The following ZNF469 variants were observed in gnomAD, a reference collection of about 807,000 sequenced individuals.
ZNF469 encodes the protein zinc finger protein 469.
Under a neutral mutation model 1.0 loss-of-function variants are expected in ZNF469, and 1 was observed. The ratio of observed to expected loss-of-function variants is 1.00; its 90% confidence interval spans 0.35 to 4.73. The LOEUF (loss-of-function observed/expected upper bound fraction) is 4.73. Ranked by LOEUF, ZNF469 falls within the 30% of genes most tolerant of loss-of-function variation. ZNF469 has a pLI of 0.16. For synonymous variants in ZNF469, 2,703 were observed against 2,363.4 expected (o/e 1.14, Z -4.17); for missense variants, 6,100 against 5,356.3 (o/e 1.14, Z -4.33).
chr16:88,335,136 C>CGGGGCTGTGA, the ZNF469 span, among the ~76,000 whole-genome samples: 3 of 152,278 alleles, frequency 2.0e-5, no homozygotes, highest in African/African-American at 7.2e-5. Flanking sequence ...TCGCAGTCTC[C>CGGGGCTGTGA]GGGGCTGTGA....
chr16:88,150,285 G>T, the ZNF469 span, among the ~76,000 whole-genome samples: 1 of 152,202 alleles, frequency 6.6e-6, no homozygotes, highest in Non-Finnish European at 1.5e-5. Context: ...ACTCCAGCCT[G>T]GGTGACAGGG....
chr16:88,199,953 G>T, the ZNF469 span, among the ~76,000 whole-genome samples: 4 of 152,202 alleles, frequency 2.6e-5, no homozygotes, highest in African/African-American at 9.6e-5. Context: ...AGGCAGGGCC[G>T]AGGACCCCGC....
At chr16:88,211,780 C>A in the ZNF469 span, among the ~76,000 whole-genome samples, 12 of 152,136 alleles carry the variant, frequency 7.9e-5, no homozygotes, top group African/African-American at 2.9e-4. Flanking sequence ...TTGTTCAAGC[C>A]GGTATGCTTG....
the ZNF469 span, among the ~76,000 whole-genome samples, chr16:88,250,452 T>C: frequency 6.6e-6 from 1 of 152,260 alleles, no homozygotes; most frequent in Admixed American, 6.5e-5. Flanking sequence ...TTATCCATTC[T>C]GTTGTCGACG....
At chr16:88,407,614 A>G (rs941520749) in intron 1 of ZNF469, among the ~76,000 whole-genome samples, 6 of 152,224 alleles carry the variant, frequency 3.9e-5, no homozygotes, top group Non-Finnish European at 8.8e-5. Flanking sequence ...AGGCATGGGC[A>G]TAGGAGAGTC....
At chr16:88,160,060 CT>C in the ZNF469 span, among the ~76,000 whole-genome samples, 1 of 152,236 alleles carries the variant, frequency 6.6e-6, no homozygotes, top group Non-Finnish European at 1.5e-5. Context: ...GTTCTGCTGG[CT>C]TTTCTCCTAT....
Position 88,434,991 on chromosome 16 carries a change from A to G in ZNF469, c.7521A>G (p.Pro2507=), listed in dbSNP as rs1329658372. Residue 2507 remains proline, a synonymous_variant, in exon 3 of 3, where the codon CCA becomes CCG. Coordinates refer to ENST00000565624, the MANE Select transcript of ZNF469 (RefSeq NM_001367624.2). ...CGGGAGCCCCCGCGGAGCCGAGCCC[A>G]GCGGCCTTGCCTGCTCAGCAGCCTC... ...PHPGAPAEPS[P]AALPAQQPLE... is the part of the protein sequence containing the mutation. 1 of 1,550,266 alleles carries G rather than the reference A, an allele frequency of 6.5e-7. No homozygotes were observed. Among genetic ancestry groups the G allele is most frequent in the South Asian group, 1.2e-5 (1 of 84,066 alleles).
At chr16:88,152,978 C>A in the ZNF469 span, among the ~76,000 whole-genome samples, 2 of 152,232 alleles carry the variant, frequency 1.3e-5, no homozygotes, top group African/African-American at 4.8e-5. This position sits in a 1 kb window ranked among gnomAD's most constrained non-coding sequence, Gnocchi z 4.2. Flanking sequence ...GCGGGGCATG[C>A]CCCCAGCACC....
the ZNF469 span, among the ~76,000 whole-genome samples, chr16:88,143,559 C>A: frequency 6.6e-6 from 1 of 152,014 alleles, no homozygotes. Context: ...GGCCCATGGC[C>A]ATGCGTCTCC....
the ZNF469 span, among the ~76,000 whole-genome samples, chr16:88,308,744 C>T: frequency 1.3e-5 from 2 of 152,128 alleles, no homozygotes; most frequent in Admixed American, 1.3e-4. Flanking sequence ...TCTCAGGAGA[C>T]CCCCAGAAAG....
At chr16:88,420,955 A>AT (rs954159594) in intron 1 of ZNF469, among the ~76,000 whole-genome samples, 2 of 151,590 alleles carry the variant, frequency 1.3e-5, no homozygotes, top group Non-Finnish European at 1.5e-5. Flanking sequence ...AGGAAGGGAA[A>AT]CGGGAGGGGC....
At chr16:88,198,382 T>G in the ZNF469 span, among the ~76,000 whole-genome samples, 1 of 152,112 alleles carries the variant, frequency 6.6e-6, no homozygotes, top group Non-Finnish European at 1.5e-5. Context: ...TAAAGCCTCC[T>G]CCGGTGGGGG....
At position 88,425,817 on chromosome 16, in the gene ZNF469, GGGGCAGAGGAGGAAGGGGCACCC is replaced by G. The variant is rs368749973; in HGVS notation, c.-127+951_-127+973del. ...TGGGACAGGAGGTACCTCAGTGGTG[GGGGCAGAGGAGGAAGGGGCACCC>G]GGGCCCCCCAGCTGGCATGACTCTT... On this transcript the variant is annotated intron_variant, in intron 2 of 2. Transcript: ENST00000565624. Among the ~76,000 whole-genome samples the G allele has an allele frequency of 7.6e-4, 116 of 152,346 alleles. 1 individual carries two copies. Among genetic ancestry groups the G allele is most frequent in the African/African-American group, 2.6e-3 (110 of 41,586 alleles).
chr16:88,381,744 T>C (rs1003940043), upstream of ZNF469, among the ~76,000 whole-genome samples: 1 of 152,258 alleles, frequency 6.6e-6, no homozygotes, highest in African/African-American at 2.4e-5. Context: ...TCGCGTCCAC[T>C]GGCAGGAATG....
At chr16:88,144,248 G>A in the ZNF469 span, among the ~76,000 whole-genome samples, 1 of 152,262 alleles carries the variant, frequency 6.6e-6, no homozygotes, top group Non-Finnish European at 1.5e-5. Context: ...TCCCGGCAGA[G>A]CTGCCAGTCC....
rs1001299975 is a variant in ZNF469 at position 88,398,013 on chromosome 16, G to A, written c.-192+14759G>A. Among the ~76,000 whole-genome samples the A allele has an allele frequency of 7.9e-5, 12 of 152,348 alleles. No homozygotes were observed. The South Asian group carries it at 8.3e-4, about 11-fold the overall frequency. On this transcript the variant is annotated intron_variant, in intron 1 of 2. Transcript: ENST00000565624. ...AGATGGTGCAGGTCCTCTTCAGCCC[G>A]GCAGGGCCAGGCCTCCATTAGCCTC...
rs921935873 is a variant in ZNF469, at chr16:88,430,218, G to A, written c.2748G>A (p.Arg916=). The change falls in exon 3 of 3, where the codon AGG becomes AGA. Residue 916 remains arginine (R), a synonymous_variant. Coordinates refer to ENST00000565624, the MANE Select transcript of ZNF469 (RefSeq NM_001367624.2). The part of the protein sequence containing the change: ...PDPQTPRPGD[R]GCPARGRPKT... ...CCCAAACCCCCCGCCCTGGGGACAG[G>A]GGCTGCCCAGCCCGAGGCAGGCCCA... 16 of 1,541,070 alleles carry A rather than the reference G, an allele frequency of 1.0e-5. No individual in the cohort carries two copies. Among genetic ancestry groups the A allele is most frequent in the Admixed American group, 2.0e-5 (1 of 50,652 alleles).
the ZNF469 span, among the ~76,000 whole-genome samples, chr16:88,308,760 G>T: frequency 6.6e-6 from 1 of 152,146 alleles, no homozygotes; most frequent in Non-Finnish European, 1.5e-5. Flanking sequence ...GAAAGAAACT[G>T]GGAGGTTTTT....
chr16:88,334,096 ATGTCTGTGTCTGTG>A, the ZNF469 span, among the ~76,000 whole-genome samples: 3 of 149,196 alleles, frequency 2.0e-5, no homozygotes, highest in South Asian at 2.2e-4. Flanking sequence ...GTGCATGTGT[ATGTCTGTGTCTGTG>A]TGTCTGTGTC....
Sources: allele counts gnomAD v4.1 joint callset (sites outside exome capture counted in the v4.1 genomes callset), GRCh38; gene constraint gnomAD v4.1.1; non-coding constraint Gnocchi (gnomAD v3.1); transcripts MANE v1.5; gene names NCBI Gene and HGNC (gene_info 2026-07-23, HGNC 2026-07-21).